MGAT4A: variants seen among roughly 807,000 people sequenced by gnomAD.
MGAT4A encodes the protein N-acetylglucosaminyltransferase IVa.
A neutral mutation model predicts 74.1 loss-of-function variants in MGAT4A; 33 were observed. The ratio of observed to expected loss-of-function variants is 0.45; its 90% CI spans 0.34 to 0.60. MGAT4A has a LOEUF of 0.60. MGAT4A is among the 20% of genes least tolerant of loss of function. The probability of loss-of-function intolerance (pLI) is 0.02; values close to 1 mark genes in which losing one functional copy is unlikely to be tolerated. For synonymous variants in MGAT4A, 198 were observed against 210.4 expected, an observed-to-expected ratio of 0.94 and a Z score of 0.51; for missense variants, 479 against 628.3, an observed-to-expected ratio of 0.76 and a Z score of 2.54.
Position 98,620,609 on chromosome 2 carries a change from T to C in MGAT4A, c.*4957A>G, listed in dbSNP as rs940893757. The stretch of plus-strand genomic sequence containing the variant: ...AAACTACAAACATTTGGCTGGCCCA[T>C]ACAGGATTTGATCTGTGCTAGATGA... On this transcript the variant is annotated 3_prime_UTR_variant, in exon 16 of 16. Coordinates refer to ENST00000393487, the MANE Select transcript of MGAT4A (RefSeq NM_012214.3). The C allele has an allele frequency of 1.3e-5, 2 of 152,214 alleles. No homozygotes were observed. The highest frequency in any genetic ancestry group is 4.8e-5 in the African/African-American group (2 of 41,450). 9.4% of individuals were successfully genotyped at this position (152,214 alleles called of 1,614,324 possible). A position where few individuals can be genotyped will look rare whatever the true frequency, so the allele number is the denominator to read the frequency against.
chr2:98,705,967 A>AAG (rs1702423236), intron 2 of MGAT4A, among the ~76,000 whole-genome samples: 1 of 147,540 alleles, frequency 6.8e-6, no homozygotes, highest in Non-Finnish European at 1.5e-5. Context: ...AAAAAAAAAA[A>AAG]AAAAGAAAAT....
At chr2:98,720,002 TAAAAG>T (rs1430630164) in intron 2 of MGAT4A, among the ~76,000 whole-genome samples, 1 of 152,102 alleles carries the variant, frequency 6.6e-6, no homozygotes, top group Non-Finnish European at 1.5e-5. Flanking sequence ...CTCACAGAAC[TAAAAG>T]AAAATTTAAT....
At chr2:98,730,577 G>C (rs1333364343) in intron 1 of MGAT4A, among the ~76,000 whole-genome samples, 2 of 136,470 alleles carry the variant, frequency 1.5e-5, no homozygotes, top group Non-Finnish European at 3.1e-5. Flanking sequence ...CGAAAGCGCC[G>C]ACTCCCGCGC....
chr2:98,721,450 A>G (rs532643524), intron 2 of MGAT4A, among the ~76,000 whole-genome samples: 1 of 152,328 alleles, frequency 6.6e-6, no homozygotes, highest in African/African-American at 2.4e-5. Flanking sequence ...TATGTAATTC[A>G]TTGCTGGGTC....
At chr2:98,713,885 C>T (rs1397939878) in intron 2 of MGAT4A, among the ~76,000 whole-genome samples, 2 of 152,054 alleles carry the variant, frequency 1.3e-5, no homozygotes, top group South Asian at 2.1e-4. Flanking sequence ...CATAACCACA[C>T]GGAAGAGGAA....
rs370752440 is a variant in MGAT4A at position 98,628,446 on chromosome 2, C to T, written c.1469-2611G>A. On this transcript the variant is annotated intron_variant, in intron 14 of 15. Coordinates refer to ENST00000393487, the MANE Select transcript of MGAT4A (RefSeq NM_012214.3). The stretch of plus-strand genomic sequence containing the variant: ...GCTATTAACCATGATTTAATTAACT[C>T]GTGATTGGTAAGTGGTTTTTCTTGC... Among the ~76,000 whole-genome samples, 88 of 152,284 alleles carry T rather than the reference C, an allele frequency of 5.8e-4. No homozygotes were observed. In the South Asian group the frequency reaches 0.018, roughly 30 times the overall value.
chr2:98,635,413 T>C, intron 13 of MGAT4A, 125 bp from the exon 14 acceptor site: 1 of 649,956 alleles, frequency 1.5e-6, no homozygotes, highest in Non-Finnish European at 2.5e-6. Flanking sequence ...AGAAATATCA[T>C]CTCAGTCTTG....
At chr2:98,660,405 C>T (rs1215202972) in intron 5 of MGAT4A, among the ~76,000 whole-genome samples, 1 of 137,636 alleles carries the variant, frequency 7.3e-6, no homozygotes, top group Admixed American at 7.7e-5. Context: ...CACACACACA[C>T]ACACACGCAC....
At chr2:98,681,100 A>G (rs1702052389) in intron 2 of MGAT4A, among the ~76,000 whole-genome samples, 2 of 152,148 alleles carry the variant, frequency 1.3e-5, no homozygotes, top group African/African-American at 4.8e-5. Flanking sequence ...CTCCTGCCTC[A>G]GCCTCCCGAG....
At chr2:98,702,685 C>T (rs942814141) in intron 2 of MGAT4A, among the ~76,000 whole-genome samples, 6 of 152,188 alleles carry the variant, frequency 3.9e-5, no homozygotes, top group Non-Finnish European at 7.4e-5. Context: ...GGAGCCCTAC[C>T]GGCTCGAGGT....
At chr2:98,667,009 C>T (rs571219551) in intron 4 of MGAT4A, among the ~76,000 whole-genome samples, 13 of 152,216 alleles carry the variant, frequency 8.5e-5, no homozygotes, top group African/African-American at 3.1e-4. Flanking sequence ...ATCATGGGGG[C>T]AAATCTTTCC....
At chr2:98,647,817 T>C (rs1461241031) in intron 8 of MGAT4A, among the ~76,000 whole-genome samples, 3 of 152,246 alleles carry the variant, frequency 2.0e-5, no homozygotes, top group Non-Finnish European at 4.4e-5. Context: ...CTGAGGGGTA[T>C]GTCTATGACA....
intron 4 of MGAT4A, 79 bp from the exon 5 acceptor site, chr2:98,663,258 T>C: frequency 6.5e-7 from 1 of 1,526,820 alleles, no homozygotes; most frequent in South Asian, 1.2e-5. Context: ...AAAAGTATTA[T>C]ACCCTCTCAA....
intron 2 of MGAT4A, among the ~76,000 whole-genome samples, chr2:98,688,365 G>A (rs1412144237): frequency 1.3e-5 from 2 of 152,062 alleles, no homozygotes; most frequent in African/African-American, 2.4e-5. Flanking sequence ...AGTGACCCTC[G>A]TCCTTCTGGT....
Position 98,622,634 on chromosome 2 carries a change from T to C in MGAT4A, c.*2932A>G, listed in dbSNP as rs1234279451. 1.0e-6 allele frequency: 1 copy of C among 985,424 alleles called. No individual in the cohort carries two copies. 61.0% of individuals were successfully genotyped at this position (985,424 alleles called of 1,614,324 possible). On this transcript the variant is annotated 3_prime_UTR_variant, in exon 16 of 16. Coordinates refer to ENST00000393487, the MANE Select transcript of MGAT4A (RefSeq NM_012214.3). ...TTGGGGAAAGGATGGCTGCTTCTAC[T>C]AGTTGAGTGCAGAACTGGGCAGAAA... is the stretch of plus-strand genomic sequence containing the variant.
At chr2:98,691,718 T>C (rs1702196940) in intron 2 of MGAT4A, among the ~76,000 whole-genome samples, 2 of 152,212 alleles carry the variant, frequency 1.3e-5, no homozygotes, top group South Asian at 4.1e-4. Flanking sequence ...GAAAAAAAGT[T>C]ACCTGGAAAA....
chr2:98,647,393 T>G (rs968068594), intron 8 of MGAT4A, among the ~76,000 whole-genome samples: 2 of 152,170 alleles, frequency 1.3e-5, no homozygotes, highest in African/African-American at 4.8e-5. Flanking sequence ...CGGCTCACTG[T>G]AACCTCTGCC....
intron 14 of MGAT4A, among the ~76,000 whole-genome samples, chr2:98,626,191 G>A (rs372332159): frequency 8.5e-5 from 13 of 152,132 alleles, no homozygotes; most frequent in African/African-American, 3.1e-4. Context: ...GTACCATCAC[G>A]CAGTCTGATT....
chr2:98,708,757 G>A (rs1259819065), intron 2 of MGAT4A, among the ~76,000 whole-genome samples: 2 of 152,176 alleles, frequency 1.3e-5, no homozygotes, highest in Non-Finnish European at 2.9e-5. Flanking sequence ...TTAACCATCA[G>A]GTTAAACTAG....
Sources: allele counts gnomAD v4.1 joint callset (sites outside exome capture counted in the v4.1 genomes callset), GRCh38; gene constraint gnomAD v4.1.1; transcripts MANE v1.5; gene names NCBI Gene and HGNC (gene_info 2026-07-23, HGNC 2026-07-21).